The following ATOSA variants were observed in gnomAD, a reference collection of about 807,000 sequenced individuals.
ATOSA encodes atos homolog protein A.
At chr15:52,666,348 C>A in the ATOSA span, among the ~76,000 whole-genome samples, 1 of 152,178 alleles carries the variant, frequency 6.6e-6, no homozygotes, top group Non-Finnish European at 1.5e-5. Context: ...ACACACAGTA[C>A]CCTGCTGACT....
chr15:52,657,882 A>G, the ATOSA span: 1 of 152,246 alleles, frequency 6.6e-6, no homozygotes, highest in South Asian at 2.1e-4. Context: ...AAAAGAAAAA[A>G]TCAGTCATCA....
At chr15:52,593,691 C>A in the ATOSA span, 3 of 1,558,496 alleles carry the variant, frequency 1.9e-6, no homozygotes, top group Non-Finnish European at 2.6e-6. Context: ...GCAGTAAAAC[C>A]ATCAACAATG....
the ATOSA span, among the ~76,000 whole-genome samples, chr15:52,588,542 G>A: frequency 3.3e-5 from 5 of 152,078 alleles, no homozygotes; most frequent in African/African-American, 1.2e-4. Context: ...GGGTTCAAGC[G>A]ATTCTTCTGT....
chr15:52,599,994 AG>A, the ATOSA span: 1 of 488,548 alleles, frequency 2.0e-6, no homozygotes, highest in Non-Finnish European at 3.6e-6. Context: ...TAAAATAAAA[AG>A]GTAATTTCAA....
chr15:52,685,852 C>T, the ATOSA span, among the ~76,000 whole-genome samples: 4 of 152,090 alleles, frequency 2.6e-5, no homozygotes, highest in Admixed American at 6.5e-5. Context: ...GGCCTACAGC[C>T]GCCCATCACC....
the ATOSA span, among the ~76,000 whole-genome samples, chr15:52,695,755 G>A: frequency 2.0e-4 from 30 of 152,332 alleles, no homozygotes; most frequent in African/African-American, 6.0e-4. Context: ...CAGGGTAGGC[G>A]TCATTGGAAG....
the ATOSA span, among the ~76,000 whole-genome samples, chr15:52,671,526 G>C: frequency 6.6e-6 from 1 of 152,222 alleles, no homozygotes; most frequent in East Asian, 1.9e-4. Context: ...GTGAATAAGA[G>C]ACAAGGTTTC....
chr15:52,599,930 T>A, the ATOSA span, among the ~76,000 whole-genome samples: 1 of 152,186 alleles, frequency 6.6e-6, no homozygotes, highest in African/African-American at 2.4e-5. Flanking sequence ...CACTACCAGC[T>A]ATCCAATTCT....
At chr15:52,656,481 CTTAAAA>C in the ATOSA span, 1 of 152,012 alleles carries the variant, frequency 6.6e-6, no homozygotes, top group Non-Finnish European at 1.5e-5. Flanking sequence ...TAAACACATT[CTTAAAA>C]TTAAAATGCT....
the ATOSA span, chr15:52,582,321 C>G: frequency 6.5e-7 from 1 of 1,548,394 alleles, no homozygotes; most frequent in Non-Finnish European, 8.6e-7. Flanking sequence ...AACAAATAAA[C>G]AAAATATAAA....
At chr15:52,626,215 A>G in the ATOSA span, among the ~76,000 whole-genome samples, 1 of 152,178 alleles carries the variant, frequency 6.6e-6, no homozygotes, top group Non-Finnish European at 1.5e-5. Context: ...CTTGAAACCC[A>G]TTGGTACTAC....
At chr15:52,583,872 A>T in the ATOSA span, among the ~76,000 whole-genome samples, 1 of 152,136 alleles carries the variant, frequency 6.6e-6, no homozygotes, top group African/African-American at 2.4e-5. Flanking sequence ...AGAACTAATT[A>T]AATAGAGCTT....
chr15:52,686,138 T>G, the ATOSA span, among the ~76,000 whole-genome samples: 3 of 152,206 alleles, frequency 2.0e-5, no homozygotes, highest in Non-Finnish European at 4.4e-5. Flanking sequence ...CAGTGATGGG[T>G]AGACTTCACT....
the ATOSA span, among the ~76,000 whole-genome samples, chr15:52,607,013 A>G: frequency 6.6e-6 from 1 of 152,222 alleles, no homozygotes; most frequent in Admixed American, 6.5e-5. Context: ...ATAACTTAAA[A>G]TATCTTTTAT....
At chr15:52,646,224 T>C in the ATOSA span, among the ~76,000 whole-genome samples, 1 of 152,184 alleles carries the variant, frequency 6.6e-6, no homozygotes, top group Admixed American at 6.5e-5. Context: ...AAATAAAAAG[T>C]GGACGGAAGA....
chr15:52,626,934 G>A, the ATOSA span, among the ~76,000 whole-genome samples: 5 of 152,138 alleles, frequency 3.3e-5, no homozygotes, highest in South Asian at 1.0e-3. Context: ...TGTCCTTACT[G>A]TAAAACATGT....
At chr15:52,668,700 A>T in the ATOSA span, among the ~76,000 whole-genome samples, 1 of 146,902 alleles carries the variant, frequency 6.8e-6, no homozygotes, top group South Asian at 2.1e-4. Context: ...GTGTCAACTG[A>T]AAAAAGTACC....
chr15:52,704,096 T>A, the ATOSA span, among the ~76,000 whole-genome samples: 1 of 151,972 alleles, frequency 6.6e-6, no homozygotes, highest in Non-Finnish European at 1.5e-5. Flanking sequence ...GAAGGACATA[T>A]CAGAAAATAA....
chr15:52,584,711 A>G, the ATOSA span: 1 of 1,578,722 alleles, frequency 6.3e-7, no homozygotes, highest in Middle Eastern at 1.8e-4. Context: ...GAGTTGTTCT[A>G]AAGTAACATT....
Sources: allele counts gnomAD v4.1 joint callset (sites outside exome capture counted in the v4.1 genomes callset), GRCh38; gene constraint gnomAD v4.1.1; transcripts MANE v1.5; gene names NCBI Gene and HGNC (gene_info 2026-07-23, HGNC 2026-07-21).